The following NEO1 variants were observed in gnomAD, a reference collection of about 807,000 sequenced individuals.
NEO1 encodes neogenin 1.
Under a neutral mutation model 159.7 loss-of-function variants are expected in NEO1, and 63 were observed. The ratio of observed to expected loss-of-function variants is 0.39; its 90% CI spans 0.32 to 0.49. NEO1 has a LOEUF of 0.49. Ranked by LOEUF, NEO1 falls within the 20% of genes least tolerant of loss-of-function variation. The pLI is 0.85. For missense variants in NEO1, 1,615 were observed against 1,831.0 expected, an observed-to-expected ratio of 0.88 and a Z score of 2.15; for synonymous variants, 633 against 662.0, an observed-to-expected ratio of 0.96 and a Z score of 0.67.
Position 73,111,388 on chromosome 15 carries a change from A to G in NEO1, c.131-5152A>G, listed in dbSNP as rs549353146. On this transcript the variant is annotated intron_variant, in intron 1 of 28. Transcript: ENST00000261908. ...GCAGACGATATGTGTGTATGAATTT[A>G]TGAATGAAGATGGCTATATTTCTGC... is the stretch of plus-strand genomic sequence containing the variant. Among the ~76,000 whole-genome samples the G allele has an allele frequency of 1.7e-3, 259 of 152,336 alleles. 1 individual carries two copies. In the Middle Eastern group the frequency reaches 0.031, roughly 18 times the overall value.
At chr15:73,254,115 G>A (rs74406197) in intron 12 of NEO1, among the ~76,000 whole-genome samples, 1,662 of 152,172 alleles carry the variant, frequency 0.011, 30 homozygotes, top group African/African-American at 0.036. Context: ...ACTTAAGCCC[G>A]GGAGTTGAAG....
chr15:73,069,813 A>G (rs1285400677), intron 1 of NEO1, among the ~76,000 whole-genome samples: 1 of 152,200 alleles, frequency 6.6e-6, no homozygotes, highest in African/African-American at 2.4e-5. Flanking sequence ...TTAGTAAGGT[A>G]GGTAGGACAT....
chr15:73,150,754 C>T (rs2033301747), intron 5 of NEO1, among the ~76,000 whole-genome samples: 1 of 152,126 alleles, frequency 6.6e-6, no homozygotes, highest in Non-Finnish European at 1.5e-5. Context: ...TAAAATATTA[C>T]CACCACTGCA....
intron 1 of NEO1, among the ~76,000 whole-genome samples, chr15:73,098,586 A>T (rs1457295274): frequency 6.6e-6 from 1 of 152,248 alleles, no homozygotes; most frequent in Non-Finnish European, 1.5e-5. Flanking sequence ...CTTATTTTAC[A>T]GTCTTGCGTA....
In NEO1 at chr15:73,288,334, A is replaced by C; in HGVS notation, c.3432A>C (p.Ser1144=). Residue 1144 remains serine, a synonymous_variant, in exon 24 of 29, where the codon TCA becomes TCC. Coordinates refer to ENST00000261908, the MANE Select transcript of NEO1 (RefSeq NM_002499.4). ...HQKKKRAACK[S]VNGSHKYKGN... is the part of the protein sequence containing the mutation. Reference sequence around the variant, plus strand: ...CTAGGAAACGAGCTGCCTGCAAATCAGTGAATGGCTCTCATAAGTACAAAG... The same window carrying C: ...CTAGGAAACGAGCTGCCTGCAAATCCGTGAATGGCTCTCATAAGTACAAAG... The C allele has an allele frequency of 6.2e-7, 1 of 1,613,356 alleles. No homozygotes were observed. Among genetic ancestry groups the C allele is most frequent in the South Asian group, 1.1e-5 (1 of 91,078 alleles).
At chr15:73,074,192 C>G (rs554819889) in intron 1 of NEO1, among the ~76,000 whole-genome samples, 2 of 152,308 alleles carry the variant, frequency 1.3e-5, no homozygotes, top group East Asian at 3.9e-4. Context: ...AGGCATAGTT[C>G]AGGTACCTTG....
chr15:73,077,250 G>T (rs566377162), intron 1 of NEO1, among the ~76,000 whole-genome samples: 14 of 152,198 alleles, frequency 9.2e-5, no homozygotes, highest in African/African-American at 3.1e-4. Context: ...TGCCATGTTG[G>T]CCAGGCTGGT....
intron 4 of NEO1, among the ~76,000 whole-genome samples, chr15:73,130,874 G>A (rs533743508): frequency 6.6e-6 from 1 of 152,296 alleles, no homozygotes; most frequent in Admixed American, 6.5e-5. Flanking sequence ...GTGACCATGT[G>A]GGGGAACAAT....
chr15:73,102,250 C>G (rs2070442519), intron 1 of NEO1, among the ~76,000 whole-genome samples: 1 of 152,112 alleles, frequency 6.6e-6, no homozygotes, highest in South Asian at 2.1e-4. Flanking sequence ...CCTGTAGTCA[C>G]AGCTATTCGG....
chr15:73,195,129 A>G (rs1198367926), intron 7 of NEO1, among the ~76,000 whole-genome samples: 1 of 152,200 alleles, frequency 6.6e-6, no homozygotes. Flanking sequence ...AGTCCTGCAG[A>G]TGACCTTTCT....
chr15:73,282,301 C>G (rs1596584996), intron 22 of NEO1, among the ~76,000 whole-genome samples: 1 of 152,198 alleles, frequency 6.6e-6, no homozygotes, highest in East Asian at 1.9e-4. Context: ...ATCGTTTATC[C>G]CATTCCCCCG....
chr15:73,282,531 GA>G (rs1293579991), intron 22 of NEO1, among the ~76,000 whole-genome samples: 2 of 152,188 alleles, frequency 1.3e-5, no homozygotes, highest in African/African-American at 4.8e-5. Flanking sequence ...GCCTGTTGGG[GA>G]AAACTTCTGC....
intron 5 of NEO1, among the ~76,000 whole-genome samples, chr15:73,157,989 G>C (rs2033899934): frequency 6.6e-6 from 1 of 152,148 alleles, no homozygotes; most frequent in African/African-American, 2.4e-5. Flanking sequence ...GCTGAGACAA[G>C]AGGATCGCTT....
intron 25 of NEO1, among the ~76,000 whole-genome samples, chr15:73,290,371 GC>G (rs1481873099): frequency 6.6e-6 from 1 of 151,212 alleles, no homozygotes; most frequent in East Asian, 2.0e-4. Context: ...CTCCCAAGCA[GC>G]TGGGATTACA....
At chr15:73,161,028 T>C (rs537442691) in intron 5 of NEO1, among the ~76,000 whole-genome samples, 17 of 152,112 alleles carry the variant, frequency 1.1e-4, no homozygotes, top group Non-Finnish European at 1.9e-4. Flanking sequence ...CAAAAGTTGC[T>C]CCTATCACCC....
rs1263710291 is a variant in NEO1 at position 73,283,234 on chromosome 15, TA to T, written c.3410+124del. ...AAAATACATGAAAAGGAATTTAAGA[TA>T]TTTTAAAAGAAAATGGGAAGTGGTT... On this transcript the variant is annotated intron_variant, in intron 23 of 28. Transcript: ENST00000261908. 2.7e-5 allele frequency: 32 copies of T among 1,202,628 alleles called. 1 individual carries two copies. The East Asian group carries it at 4.0e-4, about 15-fold the overall frequency. 74.5% of individuals were successfully genotyped at this position (1,202,628 alleles called of 1,614,324 possible).
At chr15:73,286,546 T>G (rs2041956810) in intron 23 of NEO1, among the ~76,000 whole-genome samples, 1 of 152,228 alleles carries the variant, frequency 6.6e-6, no homozygotes. Context: ...CCAGCTACTT[T>G]TGTATTTCTG....
chr15:73,290,583 T>G (rs2042128318), intron 25 of NEO1, among the ~76,000 whole-genome samples: 1 of 152,204 alleles, frequency 6.6e-6, no homozygotes, highest in Non-Finnish European at 1.5e-5. Context: ...GTGCCTCACT[T>G]TGATAAGCAT....
At position 73,116,166 on chromosome 15, in the gene NEO1, A is replaced by G. The variant is rs1156618406; in HGVS notation, c.131-374A>G. 2.0e-5 allele frequency among the ~76,000 whole-genome samples: 3 copies of G among 152,180 alleles called. No individual in the cohort carries two copies. In the East Asian group the frequency reaches 5.8e-4, roughly 29 times the overall value. The stretch of plus-strand genomic sequence containing the variant: ...AAACATAAAAAGATACCTCTTAAGA[A>G]TCATTTTAATTTTCTGCCTCTTTTA... On this transcript the variant is annotated intron_variant, in intron 1 of 28. Coordinates refer to ENST00000261908, the MANE Select transcript of NEO1 (RefSeq NM_002499.4).
Sources: allele counts gnomAD v4.1 joint callset (sites outside exome capture counted in the v4.1 genomes callset), GRCh38; gene constraint gnomAD v4.1.1; transcripts MANE v1.5; gene names NCBI Gene and HGNC (gene_info 2026-07-23, HGNC 2026-07-21).